The following EYA4 variants were observed in gnomAD, a reference collection of about 807,000 sequenced individuals.
EYA4 encodes the protein protein phosphatase EYA4.
In EYA4, 31 loss-of-function variants were observed where a neutral mutation model predicts 87.9. The ratio of observed to expected loss-of-function variants is 0.35; its 90% CI spans 0.27 to 0.48. The LOEUF (loss-of-function observed/expected upper bound fraction) is 0.48, where lower values mean the gene tolerates loss of function less well. Among genes scored for constraint, EYA4 ranks in the 20% least tolerant of loss-of-function variants. The pLI is 0.99. For synonymous variants in EYA4, 263 were observed against 270.6 expected, an observed-to-expected ratio of 0.97 and a Z score of 0.28; for missense variants, 678 against 761.4, an observed-to-expected ratio of 0.89 and a Z score of 1.29.
At position 133,528,972 on chromosome 6, in the gene EYA4, C is replaced by T; in HGVS notation, c.*167C>T. ...ATTCAGATTGCTGAATGGAGTTAAA[C>T]TTTAGTGCTACAGAAAAGAAACTCT... On this transcript the variant is annotated 3_prime_UTR_variant, in exon 20 of 20. Coordinates refer to ENST00000355286, the MANE Select transcript of EYA4 (RefSeq NM_004100.5). The T allele has an allele frequency of 6.8e-7, 1 of 1,473,748 alleles. No homozygotes were observed. 91.3% of individuals were successfully genotyped at this position (1,473,748 alleles called of 1,614,324 possible). A position where few individuals can be genotyped will look rare whatever the true frequency, so the allele number is the denominator to read the frequency against.
intron 5 of EYA4, 54 bp from the exon 6 acceptor site, chr6:133,456,502 G>A (rs1793916364): frequency 2.5e-6 from 3 of 1,213,126 alleles, no homozygotes; most frequent in Non-Finnish European, 3.7e-6. Flanking sequence ...AACGGACAGA[G>A]TCTTTGACAT....
chr6:133,351,131 A>T (rs1783609659), intron 2 of EYA4, among the ~76,000 whole-genome samples: 1 of 152,174 alleles, frequency 6.6e-6, no homozygotes, highest in South Asian at 2.1e-4. Flanking sequence ...ATCAGCTTAA[A>T]TTTTAGAGGC....
rs115280328 is a variant in EYA4 at position 133,413,957 on chromosome 6, C to T, written c.83+31516C>T. 5.4e-3 allele frequency among the ~76,000 whole-genome samples: 821 copies of T among 152,278 alleles called. 5 individuals are homozygous for T. Among genetic ancestry groups the T allele is most frequent in the African/African-American group, 0.018 (740 of 41,540 alleles). On this transcript the variant is annotated intron_variant, in intron 3 of 19. Coordinates refer to ENST00000355286, the MANE Select transcript of EYA4 (RefSeq NM_004100.5). ...TGATTCTTTTTTCATGCTCTCTCCT[C>T]GTATTTAATCAATCACAATTCCCTA...
At chr6:133,463,202 T>G (rs1209979205) in intron 9 of EYA4, among the ~76,000 whole-genome samples, 2 of 152,118 alleles carry the variant, frequency 1.3e-5, no homozygotes, top group Non-Finnish European at 2.9e-5. Flanking sequence ...CAGTTGAGGA[T>G]TTTTTGTTCA....
chr6:133,449,448 G>T (rs1793180968), intron 5 of EYA4, among the ~76,000 whole-genome samples: 1 of 152,170 alleles, frequency 6.6e-6, no homozygotes, highest in South Asian at 2.1e-4. Context: ...GTGAATATGT[G>T]CAATAAATAG....
At chr6:133,524,876 C>G in intron 18 of EYA4, 1 of 785,996 alleles carries the variant, frequency 1.3e-6, no homozygotes, top group Non-Finnish European at 2.3e-6. Flanking sequence ...TTACCTTATT[C>G]AAATATATGT....
intron 2 of EYA4, among the ~76,000 whole-genome samples, chr6:133,322,746 G>A (rs372945024): frequency 2.0e-5 from 3 of 152,054 alleles, no homozygotes; most frequent in Admixed American, 1.3e-4. Flanking sequence ...AATAAATCTT[G>A]TAAATAAGCA....
At chr6:133,359,107 G>A (rs1784282174) in intron 2 of EYA4, among the ~76,000 whole-genome samples, 1 of 152,224 alleles carries the variant, frequency 6.6e-6, no homozygotes, top group African/African-American at 2.4e-5. Context: ...AGACTGGTCT[G>A]ACAAAAGATA....
chr6:133,388,322 G>T (rs1488150832), intron 3 of EYA4, among the ~76,000 whole-genome samples: 1 of 151,316 alleles, frequency 6.6e-6, no homozygotes, highest in Non-Finnish European at 1.5e-5. Context: ...CACGAGAATC[G>T]CTTGAACCTG....
intron 3 of EYA4, among the ~76,000 whole-genome samples, chr6:133,417,916 T>G (rs75176857): frequency 0.023 from 3,517 of 152,258 alleles, 133 homozygotes; most frequent in African/African-American, 0.08. Context: ...GGGTCTGAAT[T>G]TTCTTCTGTG....
chr6:133,530,381 T>G lies in EYA4; in HGVS notation c.*1576T>G. The stretch of plus-strand genomic sequence containing the variant: ...GCCCATGTTGGGAACACGATACAGG[T>G]TCTCCTCTTATTTCCTATGACACGA... On this transcript the variant is annotated 3_prime_UTR_variant, in exon 20 of 20. Coordinates refer to ENST00000355286, the MANE Select transcript of EYA4 (RefSeq NM_004100.5). 4 of 985,432 alleles carry G rather than the reference T, an allele frequency of 4.1e-6. No homozygotes were observed. Among genetic ancestry groups the G allele is most frequent in the Non-Finnish European group, 4.8e-6 (4 of 829,910 alleles). The allele number at this position is 985,432 out of a possible 1,614,324, so 61.0% of individuals were successfully genotyped here.
chr6:133,413,042 G>A (rs934279985), intron 3 of EYA4, among the ~76,000 whole-genome samples: 2 of 152,108 alleles, frequency 1.3e-5, no homozygotes, highest in East Asian at 1.9e-4. Flanking sequence ...GGGCCCAGGA[G>A]CACAACTTAA....
intron 3 of EYA4, among the ~76,000 whole-genome samples, chr6:133,417,045 G>A (rs934135534): frequency 7.9e-5 from 12 of 152,174 alleles, no homozygotes; most frequent in Admixed American, 3.9e-4. Flanking sequence ...ATCGTTATTT[G>A]AAACAGTTGT....
In EYA4 at chr6:133,394,282, G is replaced by GTATTTTTTTTTTTTTTTTTTTT. The variant is rs1562368948; in HGVS notation, c.83+11842_83+11843insATTTTTTTTTTTTTTTTTTTTT. Among the ~76,000 whole-genome samples, 4 of 107,846 alleles carry GTATTTTTTTTTTTTTTTTTTTT rather than the reference G, an allele frequency of 3.7e-5. 1 individual carries two copies. The highest frequency in any genetic ancestry group is 9.6e-5 in the African/African-American group (2 of 20,806). 70.8% of individuals were successfully genotyped at this position (107,846 alleles called of 152,430 possible). On this transcript the variant is annotated intron_variant, in intron 3 of 19. Coordinates refer to ENST00000355286, the MANE Select transcript of EYA4 (RefSeq NM_004100.5). ...GTTGGAAAAATGTATATATAAGCTT[G>GTATTTTTTTTTTTTTTTTTTTT]TGTTTTTTTTTTTTTTTTTTTTTTT... is the stretch of plus-strand genomic sequence containing the variant.
chr6:133,298,607 A>G (rs969681277), intron 2 of EYA4, among the ~76,000 whole-genome samples: 1 of 152,178 alleles, frequency 6.6e-6, no homozygotes, highest in African/African-American at 2.4e-5. Flanking sequence ...ACCTTGGACA[A>G]TTTACTTAAT....
intron 19 of EYA4, 38 bp from the exon 20 acceptor site, chr6:133,528,687 C>T (rs754684932): frequency 2.9e-6 from 4 of 1,394,460 alleles, no homozygotes; most frequent in Non-Finnish European, 4.1e-6. Flanking sequence ...CATTCCTTCC[C>T]CTTCTCTCTC....
intron 3 of EYA4, among the ~76,000 whole-genome samples, chr6:133,398,148 C>T (rs1207956475): frequency 3.9e-5 from 6 of 152,084 alleles, no homozygotes; most frequent in Admixed American, 2.6e-4. Flanking sequence ...AGATATCAGC[C>T]CTTGTTGCCT....
At position 133,260,438 on chromosome 6, in the gene EYA4, A is replaced by G. The variant is rs1170862996; in HGVS notation, c.-65-14278A>G. Among the ~76,000 whole-genome samples the G allele has an allele frequency of 1.1e-4, 17 of 152,126 alleles. 1 individual carries two copies. Among genetic ancestry groups the G allele is most frequent in the Admixed American group, 1.1e-3 (17 of 15,274 alleles). On this transcript the variant is annotated intron_variant, in intron 1 of 19. Coordinates refer to ENST00000355286, the MANE Select transcript of EYA4 (RefSeq NM_004100.5). ...TTTTTAGTAGAAAAGGGGTTTCGCC[A>G]TGTTAGCCAGGCTGGCCTCAAACTC...
intron 1 of EYA4, among the ~76,000 whole-genome samples, chr6:133,270,151 C>T (rs1776567658): frequency 1.3e-5 from 2 of 152,326 alleles, no homozygotes; most frequent in African/African-American, 4.8e-5. Flanking sequence ...CACAGACACA[C>T]CCAGGGTCAA....
Sources: allele counts gnomAD v4.1 joint callset (sites outside exome capture counted in the v4.1 genomes callset), GRCh38; gene constraint gnomAD v4.1.1; transcripts MANE v1.5; gene names NCBI Gene and HGNC (gene_info 2026-07-23, HGNC 2026-07-21).